The following FBRS variants were observed in gnomAD, a reference collection of about 807,000 sequenced individuals.
FBRS encodes the protein probable fibrosin-1.
FBRS carries 15 observed loss-of-function variants against 86.1 expected under a neutral mutation model. That is an observed-to-expected ratio of 0.17 (90% CI 0.12 to 0.27). FBRS has a LOEUF of 0.27. Ranked by LOEUF, FBRS falls within the 10% of genes least tolerant of loss-of-function variation. FBRS has a pLI of 1.00. For synonymous variants in FBRS, 666 were observed against 575.8 expected (o/e 1.16, Z -2.24); for missense variants, 1,367 against 1,301.6 (o/e 1.05, Z -0.77).
chr16:30,663,105 A>C (rs1020348944), intron 6 of FBRS: 8 of 595,124 alleles, frequency 1.3e-5, no homozygotes, highest in Admixed American at 4.4e-5. Flanking sequence ...TCAGGCAGGC[A>C]AGTCTGCTCG....
At position 30,659,961 on chromosome 16, in the gene FBRS, C is replaced by G. The variant is rs1476701734; in HGVS notation, c.443C>G (p.Thr148Ser). 6 of 1,550,168 alleles carry G rather than the reference C, an allele frequency of 3.9e-6. No individual in the cohort carries two copies. In the South Asian group the frequency reaches 4.8e-5, roughly 12 times the overall value. The change falls in exon 1 of 18, where the codon ACC (threonine) becomes AGC (serine). Residue 148 changes from threonine to serine, a missense_variant. This residue lies in a region of FBRS where 702 missense variants were observed against 598.7 expected (regional missense o/e 1.17). Coordinates refer to ENST00000356166, the MANE Select transcript of FBRS (RefSeq NM_001105079.3). ...IDGFAIASFATLEALQKDASL... is the reference protein window; with the variant it reads ...IDGFAIASFASLEALQKDASL... ...GGCTTCGCCATCGCCAGCTTCGCCA[C>G]CCTCGAGGCCTTGCAGGTGGGGCCT...
chr16:30,661,685 G>A (rs2052463597), intron 4 of FBRS, among the ~76,000 whole-genome samples: 1 of 152,184 alleles, frequency 6.6e-6, no homozygotes, highest in Admixed American at 6.5e-5. Context: ...ATTCAAGTCT[G>A]AGCAGAGACC....
Position 30,664,457 on chromosome 16 carries a change from C to G in FBRS, c.1298C>G (p.Pro433Arg). 2 of 1,421,546 alleles carry G rather than the reference C, an allele frequency of 1.4e-6. No homozygotes were observed. The highest frequency in any genetic ancestry group is 3.0e-5 in the South Asian group (2 of 67,756). The allele number at this position is 1,421,546 out of a possible 1,614,324, so 88.1% of individuals were successfully genotyped here. ...TCCCCTGGCCCCACCCTGCCCCCAC[C>G]CCCACCCCTGCTGCAGGTGCCAGGG... ...LFSPGPTLPP[P>R]PPLLQVPGHP... The change falls in exon 7 of 18, where the codon CCC (proline) becomes CGC (arginine). Residue 433 changes from proline to arginine, a missense_variant. Pro to Arg is a moderately radical substitution (Grantham distance 103). Around this residue, in one of 3 missense-constraint regions of FBRS, gnomAD observed 702 missense variants for 598.7 expected, o/e 1.17. Coordinates refer to ENST00000356166, the MANE Select transcript of FBRS (RefSeq NM_001105079.3).
chr16:30,661,091 G>T (rs2052454497), intron 2 of FBRS, 89 bp from the exon 3 acceptor site: 10 of 1,541,888 alleles, frequency 6.5e-6, no homozygotes, highest in Non-Finnish European at 8.8e-6. Flanking sequence ...GTAGATCCTG[G>T]AGGCCCATGA....
Position 30,665,430 on chromosome 16 carries a change from G to A in FBRS, c.1704+29G>A, listed in dbSNP as rs544243492. On this transcript the variant is annotated intron_variant, in intron 10 of 17. Coordinates refer to ENST00000356166, the MANE Select transcript of FBRS (RefSeq NM_001105079.3). The surrounding 1 kb of genome is among the most constrained non-coding windows in gnomAD (Gnocchi z 4.1). ...AGCTCCCAATCCAGACACCACCACC[G>A]CCTACCATCTTGACAAACCCAGACA... 1.0e-5 allele frequency: 16 copies of A among 1,544,860 alleles called. No homozygotes were observed. In the African/African-American group the frequency reaches 1.4e-4, roughly 13 times the overall value.
In FBRS at chr16:30,659,879, G is replaced by T. The variant is rs960471222; in HGVS notation, c.361G>T (p.Gly121Cys). 7.8e-6 allele frequency: 12 copies of T among 1,546,578 alleles called. No individual in the cohort carries two copies. The highest frequency in any genetic ancestry group is 9.6e-6 in the Non-Finnish European group (11 of 1,146,802). Reference sequence around the variant, plus strand: ...GGAGGAGGAGGGGGGCGCAGACGACGGCGAAGCCGAGGAGGAGCCTGAGGA... The same window carrying T: ...GGAGGAGGAGGGGGGCGCAGACGACTGCGAAGCCGAGGAGGAGCCTGAGGA... Reference protein sequence around the residue: ...EEEEEGGADDGEAEEEPEEEE... With the variant: ...EEEEEGGADDCEAEEEPEEEE... The change falls in exon 1 of 18, where the codon GGC (glycine) becomes TGC (cysteine). Residue 121 changes from glycine to cysteine, a missense_variant. Transcript: ENST00000356166.
rs769503691 is a variant in FBRS at position 30,664,111 on chromosome 16, C to T, written c.1056-104C>T. 7.8e-5 allele frequency: 98 copies of T among 1,253,630 alleles called. No homozygotes were observed. In the South Asian group the frequency reaches 1.5e-3, roughly 19 times the overall value. The allele number at this position is 1,253,630 out of a possible 1,614,324, so 77.7% of individuals were successfully genotyped here. A position where few individuals can be genotyped will look rare whatever the true frequency, so the allele number is the denominator to read the frequency against. ...CCTGGGGCTGGGTTCTGCCACCTCC[C>T]GTGTTGGAGAACCAGGGTCACGGTA... On this transcript the variant is annotated intron_variant, in intron 6 of 17. Coordinates refer to ENST00000356166, the MANE Select transcript of FBRS (RefSeq NM_001105079.3).
At position 30,668,666 on chromosome 16, in the gene FBRS, G is replaced by T. The variant is rs199535033; in HGVS notation, c.2158+23G>T. 229 of 1,584,028 alleles carry T rather than the reference G, an allele frequency of 1.4e-4. 1 individual carries two copies. The highest frequency in any genetic ancestry group is 5.3e-4 in the Admixed American group (31 of 58,996). On this transcript the variant is annotated intron_variant, in intron 16 of 17. Coordinates refer to ENST00000356166, the MANE Select transcript of FBRS (RefSeq NM_001105079.3). ...TCAGTGAGTGCGGGTGCGGTGGGGTGGGGGGGCTGCGGCCACAGGGTGAGA... is the reference window on the plus strand; with the variant it reads ...TCAGTGAGTGCGGGTGCGGTGGGGTTGGGGGGCTGCGGCCACAGGGTGAGA...
Position 30,665,261 on chromosome 16 carries a change from C to G in FBRS, c.1609-45C>G. The G allele has an allele frequency of 6.5e-7, 1 of 1,537,920 alleles. No homozygotes were observed. The highest frequency in any genetic ancestry group is 8.8e-7 in the Non-Finnish European group (1 of 1,136,152). On this transcript the variant is annotated intron_variant, in intron 9 of 17. Coordinates refer to ENST00000356166, the MANE Select transcript of FBRS (RefSeq NM_001105079.3). The surrounding 1 kb of genome is among the most constrained non-coding windows in gnomAD (Gnocchi z 4.1). ...GACTGACGGGCAGGCTGGACTTGGG[C>G]TGCGCCTCCACCCCCACCTGTACTA...
chr16:30,662,531 T>G (rs1367331464), intron 5 of FBRS, 28 bp from the exon 6 acceptor site: 2 of 1,549,388 alleles, frequency 1.3e-6, no homozygotes, highest in Middle Eastern at 1.7e-4. Context: ...GAGCCTCAAC[T>G]GAGCATGTCT....
Position 30,664,398 on chromosome 16 carries a change from G to T in FBRS, c.1239G>T (p.Arg413=). 1 of 1,376,502 alleles carries T rather than the reference G, an allele frequency of 7.3e-7. No homozygotes were observed. Among genetic ancestry groups the T allele is most frequent in the Admixed American group, 2.3e-5 (1 of 43,862 alleles). The allele number at this position is 1,376,502 out of a possible 1,614,324, so 85.3% of individuals were successfully genotyped here. A position where few individuals can be genotyped will look rare whatever the true frequency, so the allele number is the denominator to read the frequency against. Residue 413 remains arginine (R), a synonymous_variant, in exon 7 of 18, where the codon CGG becomes CGT. Coordinates refer to ENST00000356166, the MANE Select transcript of FBRS (RefSeq NM_001105079.3). ...STHSFPPPGL[R]PPPPPHHPSL... The stretch of plus-strand genomic sequence containing the variant: ...ACAGCTTTCCCCCTCCCGGGCTGCG[G>T]CCCCCCCCACCACCCCACCACCCCT...
In FBRS at chr16:30,665,626, C is replaced by A. The variant is rs772838601; in HGVS notation, c.1705-12C>A. The A allele has an allele frequency of 3.2e-6, 5 of 1,579,920 alleles. No homozygotes were observed. In the Admixed American group the frequency reaches 9.2e-5, roughly 29 times the overall value. ...AGCTCTCCTGTCTGATCCCTCCACTCCCCTTTCCCAGAGCACGAACCCTGA... is the reference window on the plus strand; with the variant it reads ...AGCTCTCCTGTCTGATCCCTCCACTACCCTTTCCCAGAGCACGAACCCTGA... On this transcript the variant is annotated splice_polypyrimidine_tract_variant and intron_variant, in intron 10 of 17. Coordinates refer to ENST00000356166, the MANE Select transcript of FBRS (RefSeq NM_001105079.3). The surrounding 1 kb of genome is among the most constrained non-coding windows in gnomAD (Gnocchi z 4.1).
intron 2 of FBRS, 127 bp from the exon 3 acceptor site, chr16:30,661,053 G>A (rs2052453948): frequency 1.4e-6 from 2 of 1,422,554 alleles, no homozygotes; most frequent in Non-Finnish European, 1.9e-6. Context: ...GCAGTGGCGG[G>A]AGAAGCAGCT....
intron 12 of FBRS, 94 bp downstream of exon 12, chr16:30,666,635 C>T (rs1342408678): frequency 5.5e-5 from 87 of 1,580,452 alleles, no homozygotes; most frequent in Non-Finnish European, 7.2e-5. Context: ...AAGTGAGAAG[C>T]CCAGAACATG....
rs769675795 is a variant in FBRS at position 30,665,327 on chromosome 16, G to T, written c.1630G>T (p.Ala544Ser). 2 of 1,564,486 alleles carry T rather than the reference G, an allele frequency of 1.3e-6. No individual in the cohort carries two copies. Among genetic ancestry groups the T allele is most frequent in the Non-Finnish European group, 1.7e-6 (2 of 1,155,494 alleles). ...RHNPYTAFPP[A>S]VPGLPPGLPP... ...ACAGCCGTACACGGCCTTCCCTCCCGCAGTGCCCGGGCTGCCTCCGGGCCT... is the reference window on the plus strand; with the variant it reads ...ACAGCCGTACACGGCCTTCCCTCCCTCAGTGCCCGGGCTGCCTCCGGGCCT... Residue 544 changes from alanine (A) to serine (S), a missense_variant, in exon 10 of 18, where the codon GCA (alanine) becomes TCA (serine). This residue lies in a region of FBRS where 659 missense variants were observed against 678.8 expected (regional missense o/e 0.97). Coordinates refer to ENST00000356166, the MANE Select transcript of FBRS (RefSeq NM_001105079.3). The surrounding 1 kb of genome is among the most constrained non-coding windows in gnomAD (Gnocchi z 4.1).
Position 30,662,780 on chromosome 16 carries a change from C to G in FBRS, c.976C>G (p.Pro326Ala), listed in dbSNP as rs2052476857. Residue 326 changes from proline to alanine, a missense_variant, in exon 6 of 18, where the codon CCC becomes GCC. Coordinates refer to ENST00000356166, the MANE Select transcript of FBRS (RefSeq NM_001105079.3). The stretch of plus-strand genomic sequence containing the variant: ...TCCCAGTCTGCCACCCCCACCCCAG[C>G]CCCAGCTGCAGCTTCGGGTCTCACC... ...ATPSLPPPPQPQLQLRVSPFG... is the reference protein window; with the variant it reads ...ATPSLPPPPQAQLQLRVSPFG... 1 of 1,504,108 alleles carries G rather than the reference C, an allele frequency of 6.6e-7. No individual in the cohort carries two copies. The highest frequency in any genetic ancestry group is 1.4e-5 in the African/African-American group (1 of 71,744). The allele number at this position is 1,504,108 out of a possible 1,614,324, so 93.2% of individuals were successfully genotyped here.
intron 15 of FBRS, 137 bp downstream of exon 15, chr16:30,667,759 C>T (rs1287619680): frequency 1.1e-5 from 8 of 700,172 alleles, no homozygotes; most frequent in South Asian, 5.0e-5. Flanking sequence ...GGTTACTCTA[C>T]CCCCTCTGAG....
At chr16:30,660,724 C>A in intron 2 of FBRS, 2 of 488,074 alleles carry the variant, frequency 4.1e-6, no homozygotes, top group Non-Finnish European at 6.7e-6. Flanking sequence ...GGTTCCTGCC[C>A]TTCCTCGAGG....
Position 30,667,376 on chromosome 16 carries a change from C to T in FBRS, c.1932C>T (p.Pro644=), listed in dbSNP as rs1199142219. Residue 644 remains proline (P), a synonymous_variant, in exon 14 of 18, where the codon CCC becomes CCT. Transcript: ENST00000356166. ...RNDLLPCLPG[P]YGALPPGQEL... Reference sequence around the variant, plus strand: ...ACCTCCTGCCCTGCCTTCCGGGGCCCTATGGGGCCCTGCCCCCTGGGCAGG... The same window carrying T: ...ACCTCCTGCCCTGCCTTCCGGGGCCTTATGGGGCCCTGCCCCCTGGGCAGG... The T allele has an allele frequency of 6.4e-7, 1 of 1,553,390 alleles. No homozygotes were observed. The highest frequency in any genetic ancestry group is 8.7e-7 in the Non-Finnish European group (1 of 1,148,000).
Sources: gnomAD v4.1 joint callset for allele counts (sites outside exome capture counted in the v4.1 genomes callset) on GRCh38, gnomAD v4.1.1 for gene constraint, gnomAD v4.1.1 regional missense constraint, Gnocchi (gnomAD v3.1) non-coding constraint, MANE v1.5 for transcripts, NCBI Gene and HGNC (gene_info 2026-07-23, HGNC 2026-07-21) for gene names.